Variants in RAPGEF5 observed in about 807,000 individuals in gnomAD.
RAPGEF5 encodes Rap guanine nucleotide exchange factor 5, also known as M-Ras-regulated GEF.
A neutral mutation model predicts 125.2 loss-of-function variants in RAPGEF5; 65 were observed. The ratio of observed to expected loss-of-function variants is 0.52; its 90% CI spans 0.43 to 0.64. The LOEUF (loss-of-function observed/expected upper bound fraction) is 0.64. Among genes scored for constraint, RAPGEF5 ranks in the 30% least tolerant of loss-of-function variants. RAPGEF5 has a pLI of 0.00. For synonymous variants in RAPGEF5, 391 were observed against 385.9 expected, an observed-to-expected ratio of 1.01 and a Z score of -0.16; for missense variants, 958 against 1,048.1, an observed-to-expected ratio of 0.91 and a Z score of 1.19.
At position 22,357,083 on chromosome 7, in the gene RAPGEF5, G is replaced by GTCA; in HGVS notation, c.-24_-23insTGA. The GTCA allele has an allele frequency of 9.8e-7, 1 of 1,024,602 alleles. No individual in the cohort carries two copies. The highest frequency in any genetic ancestry group is 1.2e-6 in the Non-Finnish European group (1 of 854,856). The allele number at this position is 1,024,602 out of a possible 1,614,324, so 63.5% of individuals were successfully genotyped here. A position where few individuals can be genotyped will look rare whatever the true frequency, so the allele number is the denominator to read the frequency against. ...CATGCCCTGACGGCGCTGCGGCGCC[G>GTCA]GGGGCTCCTCTCCACCGCGCTCGCC... On this transcript the variant is annotated 5_prime_UTR_variant, in exon 1 of 26. Coordinates refer to ENST00000665637, the MANE Select transcript of RAPGEF5 (RefSeq NM_012294.5).
chr7:22,173,414 A>G (rs988297823), intron 11 of RAPGEF5, among the ~76,000 whole-genome samples: 2 of 152,210 alleles, frequency 1.3e-5, no homozygotes, highest in Non-Finnish European at 2.9e-5. Flanking sequence ...CGTTTTCTTT[A>G]GCCATTCTAA....
At chr7:22,143,627 A>G (rs994456125) in intron 20 of RAPGEF5, among the ~76,000 whole-genome samples, 7 of 152,204 alleles carry the variant, frequency 4.6e-5, no homozygotes, top group African/African-American at 1.7e-4. Context: ...GGCCTCCCAC[A>G]GAGAGTGTAC....
At chr7:22,354,761 G>A (rs1784391247) in intron 1 of RAPGEF5, among the ~76,000 whole-genome samples, 1 of 152,160 alleles carries the variant, frequency 6.6e-6, no homozygotes, top group South Asian at 2.1e-4. Flanking sequence ...ATACGAGAAA[G>A]TGGTCATCTG....
At chr7:22,246,021 A>G (rs1786466918) in intron 7 of RAPGEF5, among the ~76,000 whole-genome samples, 1 of 152,200 alleles carries the variant, frequency 6.6e-6, no homozygotes, top group Non-Finnish European at 1.5e-5. Flanking sequence ...ACATCTAACT[A>G]GAGAGGTGAA....
At chr7:22,147,167 G>A (rs924231133) in intron 18 of RAPGEF5, 148 bp from the exon 19 acceptor site, 11 of 1,049,944 alleles carry the variant, frequency 1.0e-5, no homozygotes, top group Non-Finnish European at 1.5e-5. Context: ...TTCACCTTCA[G>A]TGAGTTACAG....
At chr7:22,125,993 C>T (rs901833184) in intron 24 of RAPGEF5, among the ~76,000 whole-genome samples, 63 of 151,966 alleles carry the variant, frequency 4.1e-4, no homozygotes, top group Admixed American at 1.2e-3. Flanking sequence ...ACTAAAAATA[C>T]AAAAAAATTA....
intron 1 of RAPGEF5, chr7:22,356,076 C>T (rs1472453880): frequency 3.0e-6 from 3 of 985,258 alleles, no homozygotes; most frequent in Admixed American, 6.1e-5. Context: ...TCTTAAAGAT[C>T]CCAGGAGACA....
rs1269245925 is a variant in RAPGEF5 at position 22,118,774 on chromosome 7, A to G, written c.*3632T>C. ...CAGTATTTAATAACAGTGTGATACG[A>G]ATACAATAAATAGACTATGCAAATA... On this transcript the variant is annotated 3_prime_UTR_variant, in exon 26 of 26. Coordinates refer to ENST00000665637, the MANE Select transcript of RAPGEF5 (RefSeq NM_012294.5). The G allele has an allele frequency of 2.0e-5, 3 of 152,734 alleles. No homozygotes were observed. Among genetic ancestry groups the G allele is most frequent in the Non-Finnish European group, 2.9e-5 (2 of 68,024 alleles). 9.5% of individuals were successfully genotyped at this position (152,734 alleles called of 1,614,324 possible).
chr7:22,162,398 T>A lies in RAPGEF5; in HGVS notation c.1427A>T (p.Lys476Met). The change falls in exon 13 of 26, where the codon AAG (lysine) becomes ATG (methionine). Residue 476 changes from lysine to methionine, a missense_variant and splice_region_variant. Transcript: ENST00000665637. Reference protein sequence around the residue: ...PEDEHSKMFLKTIYRNVLDDV... With the variant: ...PEDEHSKMFLMTIYRNVLDDV... ...GAATATCTGGAAATGTTTGATTACC[T>A]TTAAAAACATTTTTGAATGTTCATC... 6.3e-7 allele frequency: 1 copy of A among 1,578,376 alleles called. No individual in the cohort carries two copies. Among genetic ancestry groups the A allele is most frequent in the Non-Finnish European group, 8.7e-7 (1 of 1,149,832 alleles).
intron 11 of RAPGEF5, among the ~76,000 whole-genome samples, chr7:22,171,084 C>A: frequency 6.7e-6 from 1 of 150,336 alleles, no homozygotes. Flanking sequence ...AATGAAAATA[C>A]TATAATCAAA....
chr7:22,312,460 C>T (rs1035221045), intron 3 of RAPGEF5, among the ~76,000 whole-genome samples: 17 of 152,084 alleles, frequency 1.1e-4, no homozygotes, highest in Admixed American at 2.6e-4. Context: ...CCACCAGCTT[C>T]GGCCTCCCAA....
rs139875544 is a variant in RAPGEF5 at position 22,125,282 on chromosome 7, T to C, written c.2536+322A>G. The C allele has an allele frequency of 3.3e-3, 787 of 237,300 alleles. 12 individuals carry two copies. Among genetic ancestry groups the C allele is most frequent in the African/African-American group, 0.017 (750 of 44,058 alleles). The allele number at this position is 237,300 out of a possible 1,614,324, so 14.7% of individuals were successfully genotyped here. A position where few individuals can be genotyped will look rare whatever the true frequency, so the allele number is the denominator to read the frequency against. On this transcript the variant is annotated intron_variant, in intron 25 of 25. Transcript: ENST00000665637. Reference sequence around the variant, plus strand: ...AAACTCACCAGTGATTTTGAGCCAATGGACAAGCAAAGCAAGACACTGTGG... The same window carrying C: ...AAACTCACCAGTGATTTTGAGCCAACGGACAAGCAAAGCAAGACACTGTGG...
chr7:22,252,427 C>T (rs1226711520), intron 7 of RAPGEF5, among the ~76,000 whole-genome samples: 1 of 152,174 alleles, frequency 6.6e-6, no homozygotes, highest in East Asian at 1.9e-4. Flanking sequence ...CCTCAAAAAC[C>T]TTGGATTCTG....
chr7:22,325,176 C>T (rs1010610239), intron 1 of RAPGEF5, among the ~76,000 whole-genome samples: 6 of 152,222 alleles, frequency 3.9e-5, no homozygotes, highest in Admixed American at 1.3e-4. Flanking sequence ...CATTCTAGCA[C>T]TTTCCATATT....
At chr7:22,143,813 G>A (rs1036022730) in intron 20 of RAPGEF5, among the ~76,000 whole-genome samples, 1 of 152,116 alleles carries the variant, frequency 6.6e-6, no homozygotes, top group Non-Finnish European at 1.5e-5. Context: ...ATTCTGTTTT[G>A]CACAGGAGCC....
In RAPGEF5 at chr7:22,182,129, C is replaced by T. The variant is rs144236007; in HGVS notation, c.1204+11238G>A. The stretch of plus-strand genomic sequence containing the variant: ...TCTTACACAAAAAAACACTTTGTTC[C>T]CCCATTTTCTGATAGAATGCTAAAT... On this transcript the variant is annotated intron_variant, in intron 11 of 25. Coordinates refer to ENST00000665637, the MANE Select transcript of RAPGEF5 (RefSeq NM_012294.5). Among the ~76,000 whole-genome samples the T allele has an allele frequency of 3.3e-5, 5 of 152,260 alleles. No homozygotes were observed. In the East Asian group the frequency reaches 9.6e-4, roughly 29 times the overall value.
chr7:22,167,422 T>C (rs576154675), intron 11 of RAPGEF5, among the ~76,000 whole-genome samples: 1 of 152,352 alleles, frequency 6.6e-6, no homozygotes, highest in East Asian at 1.9e-4. Flanking sequence ...TCCTGAAATT[T>C]CATTTATATT....
At chr7:22,157,043 C>T (rs1017365327) in intron 15 of RAPGEF5, among the ~76,000 whole-genome samples, 155 bp from the exon 16 acceptor site, 3 of 152,144 alleles carry the variant, frequency 2.0e-5, no homozygotes, top group African/African-American at 7.2e-5. Context: ...GGAGTCGCCT[C>T]AACTAATGCA....
chr7:22,276,337 A>C (rs1017456085), intron 6 of RAPGEF5, among the ~76,000 whole-genome samples: 1 of 152,214 alleles, frequency 6.6e-6, no homozygotes, highest in African/African-American at 2.4e-5. Flanking sequence ...TATAATTTTT[A>C]AACTCATGTC....
Sources: gnomAD v4.1 joint callset for allele counts (sites outside exome capture counted in the v4.1 genomes callset) on GRCh38, gnomAD v4.1.1 for gene constraint, MANE v1.5 for transcripts, NCBI Gene and HGNC (gene_info 2026-07-23, HGNC 2026-07-21) for gene names.